The following FLYWCH1 variants were observed in gnomAD, a reference collection of about 807,000 sequenced individuals.
FLYWCH1 encodes FLYWCH-type zinc finger-containing protein 1.
FLYWCH1 carries 75 observed loss-of-function variants against 66.4 expected under a neutral mutation model. That is an observed-to-expected ratio of 1.13 (90% CI 0.94 to 1.37). The LOEUF (loss-of-function observed/expected upper bound fraction) is 1.37, where lower values mean the gene tolerates loss of function less well. Ranked by LOEUF, FLYWCH1 falls within the 40% of genes most tolerant of loss-of-function variation. The pLI, the probability that FLYWCH1 is intolerant of heterozygous loss-of-function variation, is 0.00. For missense variants in FLYWCH1, 1,334 were observed against 1,001.8 expected (o/e 1.33, Z -4.48); for synonymous variants, 595 against 429.9 (o/e 1.38, Z -4.75).
At chr16:2,940,131 C>A in intron 9 of FLYWCH1, 39 bp downstream of exon 9, 1 of 949,754 alleles carries the variant, frequency 1.1e-6, no homozygotes, top group Non-Finnish European at 1.7e-6. Flanking sequence ...TGACCAATTA[C>A]AACAAAACGT....
intron 5 of FLYWCH1, 60 bp from the exon 6 acceptor site, chr16:2,933,656 G>C: frequency 6.4e-7 from 1 of 1,566,418 alleles, no homozygotes; most frequent in Non-Finnish European, 8.7e-7. Context: ...AGGGAAGGGG[G>C]TGCGATCAGG....
chr16:2,923,380 G>T (rs1482940288), intron 2 of FLYWCH1, among the ~76,000 whole-genome samples: 3 of 152,178 alleles, frequency 2.0e-5, no homozygotes, highest in Non-Finnish European at 4.4e-5. Flanking sequence ...TCGAGTAGTT[G>T]GGATTACAGG....
chr16:2,914,381 C>A (rs1444864114), intron 2 of FLYWCH1, 92 bp downstream of exon 2: 1 of 152,252 alleles, frequency 6.6e-6, no homozygotes, highest in Non-Finnish European at 1.5e-5. Context: ...CTGAGAGACA[C>A]CTGACAGTTG....
intron 2 of FLYWCH1, among the ~76,000 whole-genome samples, chr16:2,920,766 C>G (rs563405683): frequency 6.6e-6 from 1 of 151,092 alleles, no homozygotes; most frequent in Non-Finnish European, 1.5e-5. Flanking sequence ...GTCTCAAACT[C>G]CCCACCTCAG....
chr16:2,951,193 A>C lies in FLYWCH1; in HGVS notation c.*2466A>C, dbSNP rs1426618070. On this transcript the variant is annotated 3_prime_UTR_variant, in exon 10 of 10. Coordinates refer to ENST00000253928, the MANE Select transcript of FLYWCH1 (RefSeq NM_001308068.2). Reference sequence around the variant, plus strand: ...TCATGAAATTTAAAATAAATCCCCAAGGCATCAGAAACGTATCAACTAAGA... The same window carrying C: ...TCATGAAATTTAAAATAAATCCCCACGGCATCAGAAACGTATCAACTAAGA... 3 of 152,270 alleles carry C rather than the reference A, an allele frequency of 2.0e-5. No individual in the cohort carries two copies. The highest frequency in any genetic ancestry group is 7.2e-5 in the African/African-American group (3 of 41,464). The allele number at this position is 152,270 out of a possible 1,614,324, so 9.4% of individuals were successfully genotyped here.
intron 6 of FLYWCH1, chr16:2,935,105 C>G (rs1221901638): frequency 2.6e-5 from 4 of 153,158 alleles, no homozygotes; most frequent in Non-Finnish European, 5.8e-5. Flanking sequence ...GTATATTTAG[C>G]AGAGACAGAG....
chr16:2,938,578 C>A, intron 8 of FLYWCH1, 122 bp downstream of exon 8: 14 of 686,806 alleles, frequency 2.0e-5, no homozygotes, highest in Non-Finnish European at 2.6e-5. Flanking sequence ...ACAAATTATT[C>A]ATATAAACAG....
Position 2,937,311 on chromosome 16 carries a change from A to C in FLYWCH1, c.1704A>C (p.Pro568=), listed in dbSNP as rs1194600494. 6.2e-7 allele frequency: 1 copy of C among 1,603,136 alleles called. No homozygotes were observed. Among genetic ancestry groups the C allele is most frequent in the Non-Finnish European group, 8.5e-7 (1 of 1,175,560 alleles). ...TGGTCATGCGCAGGCACTGCCACCC[A>C]CCGGACCTGGGCGGCCTGGAGGCCC... ...RVMVMRRHCH[P]PDLGGLEALR... is the part of the protein sequence containing the mutation. Residue 568 remains proline, a synonymous_variant, in exon 7 of 10, where the codon CCA becomes CCC. Transcript: ENST00000253928.
chr16:2,930,344 G>A (rs1397300227), intron 3 of FLYWCH1, 66 bp from the exon 4 acceptor site: 2 of 1,022,680 alleles, frequency 2.0e-6, no homozygotes, highest in Non-Finnish European at 2.8e-6. Context: ...GCCCTCCCTG[G>A]CTCTCTGTGC....
intron 2 of FLYWCH1, among the ~76,000 whole-genome samples, chr16:2,925,589 A>AGGGGG (rs2070536369): frequency 9.7e-6 from 1 of 102,578 alleles, no homozygotes; most frequent in Non-Finnish European, 2.1e-5. Flanking sequence ...GGAGGGGGGT[A>AGGGGG]CGGGGCTTTC....
At chr16:2,913,924 GGT>G (rs1028126164) in intron 1 of FLYWCH1, among the ~76,000 whole-genome samples, 16 of 152,200 alleles carry the variant, frequency 1.1e-4, no homozygotes, top group African/African-American at 3.9e-4. Context: ...TGCCTAGGCT[GGT>G]CTCGAACTCC....
intron 4 of FLYWCH1, among the ~76,000 whole-genome samples, chr16:2,931,412 C>T (rs1417417827): frequency 2.0e-5 from 3 of 151,420 alleles, no homozygotes; most frequent in Admixed American, 6.6e-5. Context: ...TCACTTGAGC[C>T]GAGGAGTTCA....
At chr16:2,921,950 C>G (rs1596359118) in intron 2 of FLYWCH1, among the ~76,000 whole-genome samples, 1 of 152,080 alleles carries the variant, frequency 6.6e-6, no homozygotes, top group East Asian at 1.9e-4. Context: ...GTAGTCCCAG[C>G]TACTCAGGAG....
At position 2,949,114 on chromosome 16, in the gene FLYWCH1, G is replaced by A. The variant is rs908248264; in HGVS notation, c.*387G>A. 10 of 241,148 alleles carry A rather than the reference G, an allele frequency of 4.1e-5. No individual in the cohort carries two copies. The highest frequency in any genetic ancestry group is 1.0e-4 in the Admixed American group (2 of 19,362). The allele number at this position is 241,148 out of a possible 1,614,324, so 14.9% of individuals were successfully genotyped here. On this transcript the variant is annotated 3_prime_UTR_variant, in exon 10 of 10. Transcript: ENST00000253928. ...GGCGAGGCCCCGCTCTGCTCAGCAC[G>A]GTGCAAAGTGAATGCTGCTGTCTTG... is the stretch of plus-strand genomic sequence containing the variant.
intron 9 of FLYWCH1, among the ~76,000 whole-genome samples, chr16:2,944,728 C>T (rs975351199): frequency 2.0e-5 from 3 of 150,534 alleles, no homozygotes; most frequent in South Asian, 2.1e-4. Context: ...GAGGCTGAGG[C>T]GTGAGAATCG....
chr16:2,948,677 T>C lies in FLYWCH1; in HGVS notation c.2112-11T>C. 6.2e-7 allele frequency: 1 copy of C among 1,613,478 alleles called. No individual in the cohort carries two copies. Among genetic ancestry groups the C allele is most frequent in the Non-Finnish European group, 8.5e-7 (1 of 1,179,458 alleles). ...GATGTGTGCAATGAACATGTGTCTC[T>C]TTGTAATTAGGGACATCAAAGACGT... On this transcript the variant is annotated splice_polypyrimidine_tract_variant and intron_variant, in intron 9 of 9. Transcript: ENST00000253928.
Position 2,938,460 on chromosome 16 carries a change from CAGGCAGGCTGTGGGGCAG to C in FLYWCH1, c.2050+12_2050+29del. 6.6e-7 allele frequency: 1 copy of C among 1,519,354 alleles called. No individual in the cohort carries two copies. 94.1% of individuals were successfully genotyped at this position (1,519,354 alleles called of 1,614,324 possible). ...ACGGCCCAGCAGGAGGACCCAGGTA[CAGGCAGGCTGTGGGGCAG>C]AGGCAGGGCTGTGGGCATCCTCATC... is the stretch of plus-strand genomic sequence containing the variant. On this transcript the variant is annotated splice_donor_5th_base_variant and intron_variant, in intron 8 of 9. Coordinates refer to ENST00000253928, the MANE Select transcript of FLYWCH1 (RefSeq NM_001308068.2).
intron 9 of FLYWCH1, among the ~76,000 whole-genome samples, chr16:2,945,471 G>T: frequency 7.6e-6 from 1 of 131,010 alleles, no homozygotes; most frequent in South Asian, 2.5e-4. Flanking sequence ...TGGTGGCAGA[G>T]CGAGACTCCA....
intron 8 of FLYWCH1, chr16:2,939,669 C>T: frequency 4.2e-6 from 1 of 239,026 alleles, no homozygotes; most frequent in Admixed American, 5.4e-5. Context: ...CACTGCAGTC[C>T]AGCCTGGGTG....
Sources: allele counts gnomAD v4.1 joint callset (sites outside exome capture counted in the v4.1 genomes callset), GRCh38; gene constraint gnomAD v4.1.1; transcripts MANE v1.5; gene names NCBI Gene and HGNC (gene_info 2026-07-23, HGNC 2026-07-21).